Variants in ZNF385D observed in about 807,000 individuals in gnomAD.
The protein encoded by ZNF385D is zinc finger protein 659.
ZNF385D carries 15 observed loss-of-function variants against 35.8 expected under a neutral mutation model. The ratio of observed to expected loss-of-function variants is 0.42; its 90% CI spans 0.28 to 0.64. The LOEUF is 0.64. Ranked by LOEUF, ZNF385D falls within the 30% of genes least tolerant of loss-of-function variation. The pLI is 0.23. For missense variants in ZNF385D, 474 were observed against 494.6 expected, an observed-to-expected ratio of 0.96 and a Z score of 0.39; for synonymous variants, 212 against 186.8, an observed-to-expected ratio of 1.13 and a Z score of -1.10.
At chr3:21,806,527 A>C (rs2072657475) in intron 3 of ZNF385D, among the ~76,000 whole-genome samples, 1 of 152,130 alleles carries the variant, frequency 6.6e-6, no homozygotes, top group Non-Finnish European at 1.5e-5. Context: ...TTTATAGTTA[A>C]TTGGGGTCAC....
chr3:21,933,850 T>C (rs2125254328), intron 3 of ZNF385D, among the ~76,000 whole-genome samples: 1 of 152,252 alleles, frequency 6.6e-6, no homozygotes, highest in African/African-American at 2.4e-5. Flanking sequence ...TTAGGTTTTG[T>C]TTTCTCAAGT....
rs1254338805 is a variant in ZNF385D at position 21,859,975 on chromosome 3, G to A, written c.326-194947C>T. On this transcript the variant is annotated intron_variant, in intron 3 of 5. Coordinates refer to the ZNF385D transcript ENST00000494108. ...GGGGAAATAATTTCAGACACAATTT[G>A]ACTTGAAAAGTATCAGAAATTAAAA... Among the ~76,000 whole-genome samples, 6 of 151,884 alleles carry A rather than the reference G, an allele frequency of 4.0e-5. No individual in the cohort carries two copies. In the East Asian group the frequency reaches 1.2e-3, roughly 30 times the overall value.
At chr3:22,364,869 A>G (rs975399371) in intron 2 of ZNF385D, among the ~76,000 whole-genome samples, 1 of 152,152 alleles carries the variant, frequency 6.6e-6, no homozygotes, top group Non-Finnish European at 1.5e-5. Flanking sequence ...GACAGTTGAC[A>G]AGAAATGCAA....
Position 22,287,801 on chromosome 3 carries a change from G to A in ZNF385D, c.106+84649C>T, listed in dbSNP as rs1332770323. Among the ~76,000 whole-genome samples, 4 of 152,050 alleles carry A rather than the reference G, an allele frequency of 2.6e-5. No homozygotes were observed. In the South Asian group the frequency reaches 6.2e-4, roughly 24 times the overall value. ...GGTTAACTTACACATTGCCATTATA[G>A]TATTAGAATGTTTTAAATCTAAAAA... On this transcript the variant is annotated intron_variant, in intron 2 of 5. Coordinates refer to the ZNF385D transcript ENST00000494108.
At chr3:21,770,790 G>A (rs140481003) in intron 3 of ZNF385D, among the ~76,000 whole-genome samples, 207 of 152,142 alleles carry the variant, frequency 1.4e-3, no homozygotes, top group Middle Eastern at 0.01. Context: ...ACATGCACAC[G>A]TATGTTTATT....
intron 2 of ZNF385D, among the ~76,000 whole-genome samples, chr3:21,624,514 A>C (rs1265218588): frequency 1.3e-5 from 2 of 152,084 alleles, no homozygotes; most frequent in East Asian, 3.9e-4. Context: ...AATGACAGAA[A>C]TCTGAAAAAT....
chr3:22,162,165 C>T (rs956556283), intron 3 of ZNF385D, among the ~76,000 whole-genome samples: 6 of 152,094 alleles, frequency 3.9e-5, no homozygotes, highest in East Asian at 1.9e-4. Context: ...AGTATTAAAT[C>T]GTGTTGCATT....
intron 3 of ZNF385D, among the ~76,000 whole-genome samples, chr3:21,552,389 C>A (rs929270324): frequency 8.5e-5 from 13 of 152,064 alleles, no homozygotes; most frequent in African/African-American, 3.1e-4. Flanking sequence ...TTAACATTTC[C>A]AGTACATGAG....
intron 3 of ZNF385D, among the ~76,000 whole-genome samples, chr3:21,999,113 C>T (rs1003408278): frequency 6.6e-6 from 1 of 152,186 alleles, no homozygotes; most frequent in African/African-American, 2.4e-5. Context: ...TGTAGACATA[C>T]AGCTATGCAC....
At chr3:22,169,575 T>C (rs1302205638) in intron 2 of ZNF385D, among the ~76,000 whole-genome samples, 1 of 152,182 alleles carries the variant, frequency 6.6e-6, no homozygotes, top group Non-Finnish European at 1.5e-5. Context: ...CATGCAAAGA[T>C]ACTAACACTC....
intron 3 of ZNF385D, among the ~76,000 whole-genome samples, chr3:21,844,743 T>G (rs1464495719): frequency 6.6e-6 from 1 of 151,990 alleles, no homozygotes; most frequent in Middle Eastern, 3.2e-3. Context: ...TGTCACTAAA[T>G]TGTTCACATT....
intron 3 of ZNF385D, among the ~76,000 whole-genome samples, chr3:21,514,644 A>G (rs1217637694): frequency 2.6e-5 from 4 of 151,840 alleles, no homozygotes; most frequent in African/African-American, 9.7e-5. Context: ...GGGAGCTTTA[A>G]CCAATCAGGC....
At chr3:21,819,566 T>C (rs770173830) in intron 3 of ZNF385D, among the ~76,000 whole-genome samples, 5 of 149,384 alleles carry the variant, frequency 3.3e-5, no homozygotes, top group Non-Finnish European at 4.5e-5. Context: ...AAAATACAAA[T>C]TAATTATATG....
intron 2 of ZNF385D, among the ~76,000 whole-genome samples, chr3:22,307,472 G>A (rs1703292271): frequency 6.6e-6 from 1 of 152,036 alleles, no homozygotes. Context: ...AAGAATTGAA[G>A]GCATAAGAAA....
intron 3 of ZNF385D, among the ~76,000 whole-genome samples, chr3:22,086,209 C>T (rs546688837): frequency 7.6e-4 from 115 of 152,224 alleles, no homozygotes; most frequent in African/African-American, 2.6e-3. Flanking sequence ...CCAGGGCAAT[C>T]AGGCAAGAGA....
intron 2 of ZNF385D, among the ~76,000 whole-genome samples, chr3:21,644,788 T>G (rs913460474): frequency 1.3e-5 from 2 of 152,128 alleles, no homozygotes; most frequent in African/African-American, 4.8e-5. Flanking sequence ...TTATACTACA[T>G]CACACAGGAA....
chr3:21,630,351 A>T (rs512459), intron 2 of ZNF385D, among the ~76,000 whole-genome samples: 10 of 151,916 alleles, frequency 6.6e-5, no homozygotes, highest in African/African-American at 1.2e-4. Context: ...GATTACAGGC[A>T]TGTGCCACCA....
intron 3 of ZNF385D, among the ~76,000 whole-genome samples, chr3:22,037,281 C>CG (rs1698385915): frequency 1.5e-5 from 2 of 135,224 alleles, no homozygotes; most frequent in African/African-American, 5.2e-5. Flanking sequence ...CCTGAGGAAT[C>CG]ACCACACTGT....
chr3:22,046,409 T>A (rs774230762), intron 3 of ZNF385D, among the ~76,000 whole-genome samples: 2 of 152,150 alleles, frequency 1.3e-5, no homozygotes, highest in South Asian at 2.1e-4. Flanking sequence ...TATGTTTATA[T>A]AAAAAAGACA....
Sources: gnomAD v4.1 joint callset for allele counts (sites outside exome capture counted in the v4.1 genomes callset) on GRCh38, gnomAD v4.1.1 for gene constraint, MANE v1.5 for transcripts, NCBI Gene and HGNC (gene_info 2026-07-23, HGNC 2026-07-21) for gene names.